The following ZNF804A variants were observed in gnomAD, a reference collection of about 807,000 sequenced individuals.
The protein encoded by ZNF804A is zinc finger protein 804A.
ZNF804A carries 2 observed loss-of-function variants against 16.5 expected under a neutral mutation model. That is an observed-to-expected ratio of 0.12 (90% CI 0.05 to 0.38). The LOEUF is 0.38. Ranked by LOEUF, ZNF804A falls within the 10% of genes least tolerant of loss-of-function variation. ZNF804A has a pLI of 0.99. For synonymous variants in ZNF804A, 534 were observed against 489.6 expected, an observed-to-expected ratio of 1.09 and a Z score of -1.20; for missense variants, 1,473 against 1,390.7, an observed-to-expected ratio of 1.06 and a Z score of -0.94.
chr2:184,879,098 G>A (rs780701758), intron 2 of ZNF804A, among the ~76,000 whole-genome samples: 7 of 151,940 alleles, frequency 4.6e-5, no homozygotes, highest in African/African-American at 1.4e-4. Flanking sequence ...GATGCCTCAC[G>A]GAGTACTAGA....
intron 2 of ZNF804A, among the ~76,000 whole-genome samples, chr2:184,924,508 C>G (rs759040999): frequency 6.6e-6 from 1 of 151,208 alleles, no homozygotes; most frequent in Non-Finnish European, 1.5e-5. Flanking sequence ...AAAAAACCTT[C>G]TTTTTATTTC....
intron 1 of ZNF804A, among the ~76,000 whole-genome samples, chr2:184,736,825 C>A (rs372555674): frequency 1.5e-3 from 226 of 147,968 alleles, no homozygotes; most frequent in African/African-American, 3.5e-3. Flanking sequence ...AGTTTTTTCT[C>A]TTCCCTTCCA....
intron 1 of ZNF804A, among the ~76,000 whole-genome samples, chr2:184,747,779 A>G: frequency 6.6e-6 from 1 of 151,196 alleles, no homozygotes; most frequent in East Asian, 1.9e-4. Context: ...AGTACCCAAT[A>G]GGTAGTTTCT....
intron 1 of ZNF804A, among the ~76,000 whole-genome samples, chr2:184,821,265 C>T (rs368726392): frequency 6.6e-6 from 1 of 152,028 alleles, no homozygotes; most frequent in African/African-American, 2.4e-5. Flanking sequence ...AACTGCACAC[C>T]TACAACCGTC....
intron 1 of ZNF804A, among the ~76,000 whole-genome samples, chr2:184,854,423 A>T (rs2105805706): frequency 6.6e-6 from 1 of 152,114 alleles, no homozygotes; most frequent in South Asian, 2.1e-4. Context: ...TATGCCAACA[A>T]CAAGTTCCCT....
chr2:184,791,991 C>T (rs1444976526), intron 1 of ZNF804A, among the ~76,000 whole-genome samples: 1 of 152,136 alleles, frequency 6.6e-6, no homozygotes, highest in Non-Finnish European at 1.5e-5. Flanking sequence ...GTCTTTTCAT[C>T]ACTTGATAAC....
chr2:184,916,599 C>T (rs892791488), intron 2 of ZNF804A, among the ~76,000 whole-genome samples: 1 of 152,176 alleles, frequency 6.6e-6, no homozygotes, highest in Admixed American at 6.5e-5. Flanking sequence ...CCTGCAATCC[C>T]AGCACTTTGG....
chr2:184,828,385 G>A (rs943936423), intron 1 of ZNF804A, among the ~76,000 whole-genome samples: 1 of 151,700 alleles, frequency 6.6e-6, no homozygotes, highest in Non-Finnish European at 1.5e-5. Flanking sequence ...AGTAAAAACT[G>A]TGTATTCTAT....
In ZNF804A at chr2:184,695,465, T is replaced by TAAAA. The variant is rs779929990; in HGVS notation, c.111+96419_111+96422dup. ...GGGCGACAGAGCGAGACTCCGTCAT[T>TAAAA]AAAAAAAAAAAAAAAAAAAAAAAAA... On this transcript the variant is annotated intron_variant, in intron 1 of 3. Coordinates refer to ENST00000302277, the MANE Select transcript of ZNF804A (RefSeq NM_194250.2). Among the ~76,000 whole-genome samples, 407 of 51,794 alleles carry TAAAA rather than the reference T, an allele frequency of 7.9e-3. 23 individuals are homozygous for TAAAA. The highest frequency in any genetic ancestry group is 0.03 in the African/African-American group (314 of 10,578). 34.0% of individuals were successfully genotyped at this position (51,794 alleles called of 152,430 possible).
intron 1 of ZNF804A, among the ~76,000 whole-genome samples, chr2:184,835,199 G>A (rs1695323643): frequency 6.6e-6 from 1 of 152,136 alleles, no homozygotes; most frequent in South Asian, 2.1e-4. Context: ...ATTCAAGGGT[G>A]AACCAGTATT....
chr2:184,712,910 A>G (rs1693151753), intron 1 of ZNF804A, among the ~76,000 whole-genome samples: 1 of 151,324 alleles, frequency 6.6e-6, no homozygotes, highest in South Asian at 2.1e-4. Context: ...TTCCTGTATC[A>G]TTTTTTTCTT....
chr2:184,736,959 G>A (rs1198716317), intron 1 of ZNF804A, among the ~76,000 whole-genome samples: 3 of 150,120 alleles, frequency 2.0e-5, no homozygotes, highest in Admixed American at 1.3e-4. Context: ...CTGTTTTAAA[G>A]AATATATTAA....
At chr2:184,868,894 G>T (rs919153432) in intron 2 of ZNF804A, among the ~76,000 whole-genome samples, 1 of 151,970 alleles carries the variant, frequency 6.6e-6, no homozygotes, top group Non-Finnish European at 1.5e-5. Context: ...AAAATATTAA[G>T]CTCTCTGAAG....
At chr2:184,654,048 A>C (rs1304678887) in intron 1 of ZNF804A, among the ~76,000 whole-genome samples, 1 of 152,184 alleles carries the variant, frequency 6.6e-6, no homozygotes, top group Non-Finnish European at 1.5e-5. Flanking sequence ...CCATCACCTG[A>C]TGGTCATCTG....
At chr2:184,900,831 G>T (rs903835241) in intron 2 of ZNF804A, among the ~76,000 whole-genome samples, 3 of 152,180 alleles carry the variant, frequency 2.0e-5, no homozygotes, top group South Asian at 4.1e-4. Context: ...GCTCCCAAGG[G>T]GGGTAATACA....
At chr2:184,772,156 A>C (rs958360596) in intron 1 of ZNF804A, among the ~76,000 whole-genome samples, 9 of 151,822 alleles carry the variant, frequency 5.9e-5, no homozygotes, top group Non-Finnish European at 8.8e-5. Flanking sequence ...ACAGATAAGC[A>C]GATTTTCTGT....
chr2:184,651,396 C>G (rs150670123), intron 1 of ZNF804A, among the ~76,000 whole-genome samples: 6,128 of 152,076 alleles, frequency 0.04, 249 homozygotes, highest in African/African-American at 0.1. Flanking sequence ...GAATTTATGA[C>G]TAAGTCCTCA....
chr2:184,632,782 G>A (rs1194924581), intron 1 of ZNF804A, among the ~76,000 whole-genome samples: 2 of 152,160 alleles, frequency 1.3e-5, no homozygotes, highest in African/African-American at 2.4e-5. Context: ...GGTAGAAGAA[G>A]GAAAAGGGGA....
At chr2:184,773,087 C>T (rs1271035432) in intron 1 of ZNF804A, among the ~76,000 whole-genome samples, 1 of 148,858 alleles carries the variant, frequency 6.7e-6, no homozygotes, top group East Asian at 2.0e-4. Flanking sequence ...TATATTTGGC[C>T]TGTTAAAATG....
Sources: allele counts gnomAD v4.1 joint callset (sites outside exome capture counted in the v4.1 genomes callset), GRCh38; gene constraint gnomAD v4.1.1; transcripts MANE v1.5; gene names NCBI Gene and HGNC (gene_info 2026-07-23, HGNC 2026-07-21).